The following RABL6 variants were observed in gnomAD, a reference collection of about 807,000 sequenced individuals.
The protein encoded by RABL6 is rab-like protein 6.
RABL6 carries 28 observed loss-of-function variants against 72.9 expected under a neutral mutation model. The ratio of observed to expected loss-of-function variants is 0.38; its 90% CI spans 0.28 to 0.53. The LOEUF is 0.53. Among genes scored for constraint, RABL6 ranks in the 20% least tolerant of loss-of-function variants. RABL6 has a pLI of 0.80. For synonymous variants in RABL6, 477 were observed against 421.2 expected (o/e 1.13, Z -1.62); for missense variants, 1,029 against 1,008.4 (o/e 1.02, Z -0.28).
rs1029250900 is a variant in RABL6, at chr9:136,814,079, C to A, written c.130+5753C>A. ...AAACCAGCGAGTTCCAAGGCTCTTT[C>A]CAGGTCTTCAGCAGCTTGAAAATCC... is the stretch of plus-strand genomic sequence containing the variant. On this transcript the variant is annotated intron_variant, in intron 1 of 14. Transcript: ENST00000311502. 4.3e-5 allele frequency: 16 copies of A among 369,322 alleles called. No individual in the cohort carries two copies. The Admixed American group carries it at 5.3e-4, about 12-fold the overall frequency. 22.9% of individuals were successfully genotyped at this position (369,322 alleles called of 1,614,324 possible). A position where few individuals can be genotyped will look rare whatever the true frequency, so the allele number is the denominator to read the frequency against.
chr9:136,809,784 G>T, intron 1 of RABL6: 1 of 157,586 alleles, frequency 6.3e-6, no homozygotes, highest in Non-Finnish European at 1.5e-5. Flanking sequence ...GAACAGAAAC[G>T]GATTATGTTG....
rs767941580 is a variant in RABL6 at position 136,823,476 on chromosome 9, G to T, written c.131-49G>T. ...GTAGTTGCTCTTAAAGCTGCAGCTT[G>T]GGTTCGGTTCGTTTAATTTGCCTTT... On this transcript the variant is annotated intron_variant, in intron 1 of 14. Coordinates refer to ENST00000311502, the MANE Select transcript of RABL6 (RefSeq NM_024718.5). 1.9e-6 allele frequency: 3 copies of T among 1,607,006 alleles called. No homozygotes were observed. In the South Asian group the frequency reaches 3.3e-5, roughly 18 times the overall value.
At chr9:136,829,170 A>G (rs1211052123) in intron 4 of RABL6, among the ~76,000 whole-genome samples, 1 of 152,238 alleles carries the variant, frequency 6.6e-6, no homozygotes. Flanking sequence ...GGTCCTGGGT[A>G]GGAGGCTTGT....
At chr9:136,810,479 CA>C (rs1847985369) in intron 1 of RABL6, among the ~76,000 whole-genome samples, 1 of 152,144 alleles carries the variant, frequency 6.6e-6, no homozygotes, top group Non-Finnish European at 1.5e-5. Flanking sequence ...GAATAACATG[CA>C]ATTTTAAAAC....
In RABL6 at chr9:136,821,798, G is replaced by C. The variant is rs993342275; in HGVS notation, c.131-1727G>C. 7 of 1,175,290 alleles carry C rather than the reference G, an allele frequency of 6.0e-6. No homozygotes were observed. In the South Asian group the frequency reaches 1.1e-4, roughly 18 times the overall value. The allele number at this position is 1,175,290 out of a possible 1,614,324, so 72.8% of individuals were successfully genotyped here. On this transcript the variant is annotated intron_variant, in intron 1 of 14. Coordinates refer to ENST00000311502, the MANE Select transcript of RABL6 (RefSeq NM_024718.5). ...GGCCTCTGTTCTCCAAGTTCTCCGC[G>C]GGAGAGGGAGGGGAACGAGGGCCCA...
chr9:136,824,695 G>A (rs1848316226), intron 2 of RABL6, among the ~76,000 whole-genome samples: 2 of 152,086 alleles, frequency 1.3e-5, no homozygotes. Context: ...ACTAGTGGGA[G>A]GCAAAGATGA....
rs1406186029 is a variant in RABL6, at chr9:136,838,987, G to C, written c.1359G>C (p.Gly453=). 3 of 1,611,890 alleles carry C rather than the reference G, an allele frequency of 1.9e-6. No individual in the cohort carries two copies. In the East Asian group the frequency reaches 6.7e-5, roughly 36 times the overall value. ...TGGACCTCGAAGACCAGCCACGTGG[G>C]AGTCCCCCGCTGCCTGCAGGCCCCG... ...DDVDLEDQPR[G]SPPLPAGPVP... The change falls in exon 11 of 15, where the codon GGG becomes GGC. Residue 453 remains glycine, a synonymous_variant. Coordinates refer to ENST00000311502, the MANE Select transcript of RABL6 (RefSeq NM_024718.5).
intron 1 of RABL6, among the ~76,000 whole-genome samples, chr9:136,810,835 C>T (rs1366876420): frequency 6.6e-6 from 1 of 152,218 alleles, no homozygotes; most frequent in Non-Finnish European, 1.5e-5. Flanking sequence ...GCCACCATGC[C>T]CGGCTTTCTG....
intron 10 of RABL6, among the ~76,000 whole-genome samples, chr9:136,838,383 C>A (rs555580609): frequency 6.6e-6 from 1 of 152,208 alleles, no homozygotes; most frequent in Admixed American, 6.5e-5. Context: ...GAGACAGGGG[C>A]GGCTTCCTGC....
intron 1 of RABL6, among the ~76,000 whole-genome samples, chr9:136,819,324 G>GAAAAA (rs57726746): frequency 1.7e-5 from 1 of 58,928 alleles, no homozygotes; most frequent in African/African-American, 4.6e-5. Flanking sequence ...TCCGTCTCAA[G>GAAAAA]AAAAAAAAAA....
intron 1 of RABL6, among the ~76,000 whole-genome samples, chr9:136,823,043 G>A (rs1848276061): frequency 6.8e-6 from 1 of 147,576 alleles, no homozygotes; most frequent in South Asian, 2.2e-4. Flanking sequence ...AGCCGAGATA[G>A]CACCACTGCA....
At chr9:136,819,324 GAA>G (rs57726746) in intron 1 of RABL6, among the ~76,000 whole-genome samples, 16 of 58,940 alleles carry the variant, frequency 2.7e-4, no homozygotes, top group African/African-American at 5.5e-4. Flanking sequence ...TCCGTCTCAA[GAA>G]AAAAAAAAAA....
chr9:136,838,171 G>A (rs779870492), intron 10 of RABL6, among the ~76,000 whole-genome samples, 156 bp downstream of exon 10: 12 of 152,228 alleles, frequency 7.9e-5, no homozygotes, highest in Non-Finnish European at 1.5e-4. Context: ...TGGAGCAGAC[G>A]AGGGAAGGGC....
chr9:136,825,031 G>A (rs1848323093), intron 2 of RABL6, among the ~76,000 whole-genome samples: 1 of 152,178 alleles, frequency 6.6e-6, no homozygotes, highest in South Asian at 2.1e-4. Context: ...TTGGGTGGGC[G>A]GGAGGCTCCA....
intron 1 of RABL6, chr9:136,821,898 G>A: frequency 1.6e-6 from 2 of 1,279,786 alleles, no homozygotes; most frequent in Middle Eastern, 3.1e-4. Flanking sequence ...GGCCGCCACC[G>A]TGGCCGTGAG....
At chr9:136,809,831 C>T (rs1458034064) in intron 1 of RABL6, 3 of 162,270 alleles carry the variant, frequency 1.8e-5, no homozygotes, top group Non-Finnish European at 2.9e-5. Context: ...TTCAGTAACC[C>T]AAGCATCAAA....
intron 1 of RABL6, 34 bp from the exon 2 acceptor site, chr9:136,823,491 A>G: frequency 6.2e-7 from 1 of 1,611,450 alleles, no homozygotes; most frequent in Non-Finnish European, 8.5e-7. Flanking sequence ...CGGTTCGTTT[A>G]ATTTGCCTTT....
rs141483295 is a variant in RABL6, at chr9:136,830,082, G to A, written c.458+598G>A. Among the ~76,000 whole-genome samples, 21 of 152,342 alleles carry A rather than the reference G, an allele frequency of 1.4e-4. 1 individual carries two copies. Among genetic ancestry groups the A allele is most frequent in the African/African-American group, 3.4e-4 (14 of 41,580 alleles). On this transcript the variant is annotated intron_variant, in intron 5 of 14. Transcript: ENST00000311502. Reference sequence around the variant, plus strand: ...AGGCTCCTAGAAGAACGAGGGCCGCGTGAAGACCAGTGTCCTGGTGCAGGG... The same window carrying A: ...AGGCTCCTAGAAGAACGAGGGCCGCATGAAGACCAGTGTCCTGGTGCAGGG...
At chr9:136,820,200 C>CAAA (rs34975162) in intron 1 of RABL6, among the ~76,000 whole-genome samples, 3 of 77,846 alleles carry the variant, frequency 3.9e-5, no homozygotes, top group Non-Finnish European at 4.9e-5. Context: ...CTCCATCTTC[C>CAAA]AAAAAAAAAA....
Sources: gnomAD v4.1 joint callset for allele counts (sites outside exome capture counted in the v4.1 genomes callset) on GRCh38, gnomAD v4.1.1 for gene constraint, MANE v1.5 for transcripts, NCBI Gene and HGNC (gene_info 2026-07-23, HGNC 2026-07-21) for gene names.